The following SLC38A1 variants were observed in gnomAD, a reference collection of about 807,000 sequenced individuals.
SLC38A1 encodes the protein solute carrier family 38 member 1.
SLC38A1 carries 18 observed loss-of-function variants against 60.3 expected under a neutral mutation model. The ratio of observed to expected loss-of-function variants is 0.30; its 90% CI spans 0.21 to 0.44. The LOEUF is 0.44. Among genes scored for constraint, SLC38A1 ranks in the 20% least tolerant of loss-of-function variants. The probability of loss-of-function intolerance (pLI) is 1.00; values close to 1 mark genes in which losing one functional copy is unlikely to be tolerated. For missense variants in SLC38A1, 448 were observed against 587.2 expected (o/e 0.76, Z 2.45); for synonymous variants, 196 against 212.1 (o/e 0.92, Z 0.66).
At chr12:46,195,492 G>A (rs1236203878) in intron 16 of SLC38A1, among the ~76,000 whole-genome samples, 3 of 152,194 alleles carry the variant, frequency 2.0e-5, no homozygotes, top group South Asian at 2.1e-4. Flanking sequence ...AGACAGGGAC[G>A]TTTAAGTCTG....
intron 5 of SLC38A1, among the ~76,000 whole-genome samples, chr12:46,221,738 C>T (rs1463261319): frequency 6.6e-6 from 1 of 152,152 alleles, no homozygotes; most frequent in Non-Finnish European, 1.5e-5. Flanking sequence ...TAATCCTGCC[C>T]TTGTAGGGCT....
At chr12:46,218,237 T>C (rs1940500453) in intron 5 of SLC38A1, among the ~76,000 whole-genome samples, 1 of 152,172 alleles carries the variant, frequency 6.6e-6, no homozygotes, top group South Asian at 2.1e-4. Context: ...ACTCTTGATG[T>C]GTCCTCGTTC....
Position 46,198,828 on chromosome 12 carries a change from G to A in SLC38A1, c.1004-85C>T. On this transcript the variant is annotated intron_variant, in intron 13 of 16. Transcript: ENST00000398637. ...AGTTTTTCTGAAAAACAAAGAATCTGTAAACTAAAGGGCAAGAAAAGCAAT... is the reference window on the plus strand; with the variant it reads ...AGTTTTTCTGAAAAACAAAGAATCTATAAACTAAAGGGCAAGAAAAGCAAT... The A allele has an allele frequency of 3.8e-6, 3 of 790,422 alleles. No homozygotes were observed. In the South Asian group the frequency reaches 5.6e-5, roughly 15 times the overall value. The allele number at this position is 790,422 out of a possible 1,614,324, so 49.0% of individuals were successfully genotyped here.
intron 3 of SLC38A1, among the ~76,000 whole-genome samples, chr12:46,232,904 T>G (rs1941129231): frequency 6.6e-6 from 1 of 152,264 alleles, no homozygotes; most frequent in Admixed American, 6.5e-5. Context: ...TTTTAAATTG[T>G]TGTATTGTCA....
At chr12:46,252,659 T>G (rs1458657419) in intron 1 of SLC38A1, among the ~76,000 whole-genome samples, 1 of 151,902 alleles carries the variant, frequency 6.6e-6, no homozygotes, top group Admixed American at 6.6e-5. Flanking sequence ...AAAGTTCACC[T>G]GTTATCTCAG....
Position 46,268,632 on chromosome 12 carries a change from G to A in SLC38A1, c.-315C>T, listed in dbSNP as rs1349235699. ...GTCCTTTGTGTCAAGGTCTGGCTGCGGAGGCCGGGAAAATGTGGCCCCCGT... is the reference window on the plus strand; with the variant it reads ...GTCCTTTGTGTCAAGGTCTGGCTGCAGAGGCCGGGAAAATGTGGCCCCCGT... On this transcript the variant is annotated 5_prime_UTR_variant, in exon 1 of 17. Coordinates refer to ENST00000398637, the MANE Select transcript of SLC38A1 (RefSeq NM_030674.4). This position sits in a 1 kb window ranked among gnomAD's most constrained non-coding sequence, Gnocchi z 4.4. 8.6e-6 allele frequency: 2 copies of A among 232,536 alleles called. No individual in the cohort carries two copies. The highest frequency in any genetic ancestry group is 1.9e-5 in the Non-Finnish European group (2 of 106,202). The allele number at this position is 232,536 out of a possible 1,614,324, so 14.4% of individuals were successfully genotyped here. A position where few individuals can be genotyped will look rare whatever the true frequency, so the allele number is the denominator to read the frequency against.
chr12:46,237,510 T>C (rs747299589), intron 3 of SLC38A1, among the ~76,000 whole-genome samples: 4 of 151,700 alleles, frequency 2.6e-5, no homozygotes, highest in African/African-American at 4.9e-5. Flanking sequence ...AAACAAAAAC[T>C]CATCACACTG....
Position 46,183,394 on chromosome 12 carries a change from A to T in SLC38A1, c.*5576T>A, listed in dbSNP as rs1938832199. ...GGGAAAAAAATACCTTAGACAGTCTATGTTGGCGTCAACACTAAAATAAAA... is the reference window on the plus strand; with the variant it reads ...GGGAAAAAAATACCTTAGACAGTCTTTGTTGGCGTCAACACTAAAATAAAA... On this transcript the variant is annotated 3_prime_UTR_variant, in exon 17 of 17. Coordinates refer to ENST00000398637, the MANE Select transcript of SLC38A1 (RefSeq NM_030674.4). 1 of 152,314 alleles carries T rather than the reference A, an allele frequency of 6.6e-6. No homozygotes were observed. Among genetic ancestry groups the T allele is most frequent in the East Asian group, 1.9e-4 (1 of 5,188 alleles). The allele number at this position is 152,314 out of a possible 1,614,324, so 9.4% of individuals were successfully genotyped here. A position where few individuals can be genotyped will look rare whatever the true frequency, so the allele number is the denominator to read the frequency against.
At chr12:46,248,692 C>G (rs1941714575) in intron 1 of SLC38A1, among the ~76,000 whole-genome samples, 1 of 152,226 alleles carries the variant, frequency 6.6e-6, no homozygotes, top group South Asian at 2.1e-4. Context: ...CTACAGAACT[C>G]TCCACCCCAA....
chr12:46,209,071 A>C lies in SLC38A1; in HGVS notation c.371T>G (p.Ile124Ser). The change falls in exon 6 of 17, where the codon ATC becomes AGC. Residue 124 changes from isoleucine to serine, a missense_variant. Physicochemically the swap from Ile to Ser is moderately radical, Grantham distance 142. Transcript: ENST00000398637. ...LSIYSINLLL[I>S]CSKETGCMVY... ...CAGCTTACCTGTTTCTTTTGAACAG[A>C]TCAATAGGAGGTTTATTGAATATAT... is the stretch of plus-strand genomic sequence containing the variant. The C allele has an allele frequency of 7.4e-6, 12 of 1,611,456 alleles. No individual in the cohort carries two copies. Among genetic ancestry groups the C allele is most frequent in the Non-Finnish European group, 1.0e-5 (12 of 1,178,522 alleles).
At chr12:46,242,601 A>C (rs1941481744) in intron 2 of SLC38A1, among the ~76,000 whole-genome samples, 2 of 151,746 alleles carry the variant, frequency 1.3e-5, no homozygotes, top group Non-Finnish European at 2.9e-5. Flanking sequence ...GTCTCTACAA[A>C]AAACAAACAA....
chr12:46,218,645 T>C (rs908499874), intron 5 of SLC38A1, among the ~76,000 whole-genome samples: 10 of 152,212 alleles, frequency 6.6e-5, no homozygotes, highest in Non-Finnish European at 8.8e-5. Flanking sequence ...AACCACTTTA[T>C]TGAGACAGGG....
chr12:46,197,798 C>A lies in SLC38A1; in HGVS notation c.1284G>T (p.Met428Ile). 1 of 1,601,908 alleles carries A rather than the reference C, an allele frequency of 6.2e-7. No homozygotes were observed. The highest frequency in any genetic ancestry group is 8.5e-7 in the Non-Finnish European group (1 of 1,176,236). The change falls in exon 16 of 17, where the codon ATG becomes ATT. Residue 428 changes from methionine to isoleucine, a missense_variant. This residue lies in a region of SLC38A1 where 346 missense variants were observed against 497.5 expected (regional missense o/e 0.70). Coordinates refer to ENST00000398637, the MANE Select transcript of SLC38A1 (RefSeq NM_030674.4). Reference sequence around the variant, plus strand: ...GAGATGAAGGAAGAATGAAAATAAGCATGTTAGCAGATGTAACTCCTGTAA... The same window carrying A: ...GAGATGAAGGAAGAATGAAAATAAGAATGTTAGCAGATGTAACTCCTGTAA... Reference protein sequence around the residue: ...FGVVGVTSANMLIFILPSSLY... With the variant: ...FGVVGVTSANILIFILPSSLY...
chr12:46,238,451 A>G (rs1296124045), intron 3 of SLC38A1, among the ~76,000 whole-genome samples: 1 of 152,236 alleles, frequency 6.6e-6, no homozygotes, highest in African/African-American at 2.4e-5. Context: ...TTCTACAAAG[A>G]TGCCTGGTTA....
Position 46,229,195 on chromosome 12 carries a change from C to T in SLC38A1, c.272G>A (p.Gly91Glu). The change falls in exon 5 of 17, where the codon GGA (glycine) becomes GAA (glutamate). Residue 91 changes from glycine to glutamate, a missense_variant. Gly to Glu is a moderately conservative substitution (Grantham distance 98). Transcript: ENST00000398637. ...SNAIMGSGIL[G>E]LAFALANTGI... ...AGTGTTTGCCAGGGCAAAGGCGAGT[C>T]CCAAAATCCCACTGCCCATAATGGC... is the stretch of plus-strand genomic sequence containing the variant. The T allele has an allele frequency of 1.2e-6, 2 of 1,613,624 alleles. No individual in the cohort carries two copies. Among genetic ancestry groups the T allele is most frequent in the Non-Finnish European group, 1.7e-6 (2 of 1,179,764 alleles).
chr12:46,202,890 G>C, intron 12 of SLC38A1, 120 bp downstream of exon 12: 1 of 650,780 alleles, frequency 1.5e-6, no homozygotes, highest in South Asian at 2.1e-5. Flanking sequence ...AGTAAATGTT[G>C]AAGCTGGGTG....
At chr12:46,246,717 T>C (rs1406759862) in intron 1 of SLC38A1, among the ~76,000 whole-genome samples, 1 of 152,218 alleles carries the variant, frequency 6.6e-6, no homozygotes, top group East Asian at 1.9e-4. Flanking sequence ...AGTGGGTCCC[T>C]GACCCCCGTT....
At chr12:46,225,358 C>A (rs551170368) in intron 5 of SLC38A1, among the ~76,000 whole-genome samples, 5 of 152,254 alleles carry the variant, frequency 3.3e-5, no homozygotes, top group African/African-American at 1.2e-4. Context: ...ATCCTGGCAA[C>A]AATCTGAATA....
intron 16 of SLC38A1, among the ~76,000 whole-genome samples, chr12:46,194,827 T>A: frequency 6.6e-6 from 1 of 152,182 alleles, no homozygotes. Flanking sequence ...TAGCCATTCA[T>A]CTAACCTTTT....
Sources: gnomAD v4.1 joint callset for allele counts (sites outside exome capture counted in the v4.1 genomes callset) on GRCh38, gnomAD v4.1.1 for gene constraint, gnomAD v4.1.1 regional missense constraint, Gnocchi (gnomAD v3.1) non-coding constraint, MANE v1.5 for transcripts, NCBI Gene and HGNC (gene_info 2026-07-23, HGNC 2026-07-21) for gene names.